LY6S: variants seen among roughly 807,000 people sequenced by gnomAD.
The protein encoded by LY6S is lymphocyte antigen 6 family member S, also known as lymphocyte antigen 6S.
chr8:143,063,417 G>C, the LY6S span, among the ~76,000 whole-genome samples: 2 of 152,314 alleles, frequency 1.3e-5, no homozygotes, highest in East Asian at 1.9e-4. Context: ...TTTACTCCAA[G>C]TGCCCTGAGT....
chr8:143,043,273 G>T, the LY6S span: 1 of 1,353,886 alleles, frequency 7.4e-7, no homozygotes, highest in African/African-American at 1.5e-5. Flanking sequence ...GTAAGTTTCA[G>T]CAGGGGGAAT....
chr8:143,050,145 G>C, the LY6S span, among the ~76,000 whole-genome samples: 1 of 150,138 alleles, frequency 6.7e-6, no homozygotes, highest in Non-Finnish European at 1.5e-5. Flanking sequence ...TGCAGCCATC[G>C]CCATTCTAGT....
the LY6S span, among the ~76,000 whole-genome samples, chr8:143,053,016 C>T: frequency 6.6e-6 from 1 of 152,152 alleles, no homozygotes; most frequent in Non-Finnish European, 1.5e-5. Flanking sequence ...GCTGCCCTCG[C>T]CTGGCAAGTG....
chr8:143,071,041 T>A, the LY6S span, among the ~76,000 whole-genome samples: 1,719 of 149,242 alleles, frequency 0.012, 35 homozygotes, highest in East Asian at 0.04. Flanking sequence ...TGTTTTTACA[T>A]GTGATGGAAT....
chr8:143,058,563 C>T, the LY6S span, among the ~76,000 whole-genome samples: 12 of 152,330 alleles, frequency 7.9e-5, no homozygotes, highest in South Asian at 2.1e-4. Flanking sequence ...AACATGAAAG[C>T]GGACTAGGAG....
the LY6S span, chr8:143,044,626 A>G: frequency 7.5e-7 from 1 of 1,331,478 alleles, no homozygotes. Context: ...GCAGCTATCT[A>G]AGAAGTGCCC....
chr8:143,044,330 TG>T, the LY6S span: 5 of 434,706 alleles, frequency 1.2e-5, no homozygotes, highest in East Asian at 2.8e-4. Context: ...ACTGGGAAGT[TG>T]GTGTGGGCCC....
the LY6S span, among the ~76,000 whole-genome samples, chr8:143,049,505 C>A: frequency 6.6e-6 from 1 of 152,156 alleles, no homozygotes; most frequent in East Asian, 1.9e-4. Flanking sequence ...TTATGCAGCA[C>A]CTGCAGGCTA....
chr8:143,076,384 CT>C, the LY6S span, among the ~76,000 whole-genome samples: 2 of 152,206 alleles, frequency 1.3e-5, no homozygotes, highest in Non-Finnish European at 1.5e-5. Flanking sequence ...AGAGAGGGGT[CT>C]CGCTGGGGAC....
chr8:143,056,922 A>G, the LY6S span: 1,944 of 159,018 alleles, frequency 0.012, 32 homozygotes, highest in East Asian at 0.064. Context: ...CTTAGTATCC[A>G]GAATAAAATC....
At chr8:143,070,472 TATAA>T in the LY6S span, among the ~76,000 whole-genome samples, 168 of 39,546 alleles carry the variant, frequency 4.2e-3, no homozygotes, top group East Asian at 0.013. Flanking sequence ...ATAATATATA[TATAA>T]ATATATATAT....
At chr8:143,074,546 T>C in the LY6S span, among the ~76,000 whole-genome samples, 1 of 152,194 alleles carries the variant, frequency 6.6e-6, no homozygotes, top group Admixed American at 6.5e-5. Flanking sequence ...ATTTTATTTT[T>C]AATAACAAAT....
At chr8:143,072,135 T>C in the LY6S span, among the ~76,000 whole-genome samples, 9 of 152,010 alleles carry the variant, frequency 5.9e-5, no homozygotes, top group Admixed American at 3.9e-4. Flanking sequence ...AGAATCCAAG[T>C]TGGTAATTTG....
chr8:143,070,446 G>GTATATATATATAT, the LY6S span, among the ~76,000 whole-genome samples: 1 of 69,536 alleles, frequency 1.4e-5, no homozygotes, highest in African/African-American at 8.5e-5. Context: ...TATATATATT[G>GTATATATATATAT]TATATATATA....
At chr8:143,048,178 G>A in the LY6S span, among the ~76,000 whole-genome samples, 10 of 152,298 alleles carry the variant, frequency 6.6e-5, no homozygotes, top group South Asian at 4.1e-4. Context: ...CCGCTGGTTT[G>A]CCCAGGGCTG....
At chr8:143,070,734 C>T in the LY6S span, among the ~76,000 whole-genome samples, 1 of 151,726 alleles carries the variant, frequency 6.6e-6, no homozygotes, top group Non-Finnish European at 1.5e-5. Flanking sequence ...ATCCACTCGC[C>T]TCGGCCTCCC....
At chr8:143,048,662 G>A in the LY6S span, among the ~76,000 whole-genome samples, 1 of 151,772 alleles carries the variant, frequency 6.6e-6, no homozygotes. Context: ...AGAGATGGGG[G>A]TTTCACCATG....
chr8:143,043,875 A>G, the LY6S span, among the ~76,000 whole-genome samples: 1 of 152,094 alleles, frequency 6.6e-6, no homozygotes, highest in Non-Finnish European at 1.5e-5. Flanking sequence ...GGGTTTCTCC[A>G]TGTTGGTCAG....
chr8:143,044,244 G>A, the LY6S span: 25 of 456,082 alleles, frequency 5.5e-5, no homozygotes, highest in Admixed American at 1.6e-4. Flanking sequence ...GGTGAGACCC[G>A]CGGCATGAAG....
Sources: allele counts gnomAD v4.1 joint callset (sites outside exome capture counted in the v4.1 genomes callset), GRCh38; gene constraint gnomAD v4.1.1; transcripts MANE v1.5; gene names NCBI Gene and HGNC (gene_info 2026-07-23, HGNC 2026-07-21).